The following ADGRD1 variants were observed in gnomAD, a reference collection of about 807,000 sequenced individuals.
ADGRD1 encodes G-protein coupled receptor 133.
Under a neutral mutation model 113.4 loss-of-function variants are expected in ADGRD1, and 77 were observed. That is an observed-to-expected ratio of 0.68 (90% CI 0.57 to 0.82). ADGRD1 has a LOEUF of 0.82. Among genes scored for constraint, ADGRD1 ranks in the 40% least tolerant of loss-of-function variants. ADGRD1 has a pLI of 0.00. For missense variants in ADGRD1, 1,036 were observed against 1,139.1 expected (o/e 0.91, Z 1.30); for synonymous variants, 474 against 475.0 (o/e 1.00, Z 0.03).
Position 131,000,453 on chromosome 12 carries a change from AG to A in ADGRD1, c.1026+12del. On this transcript the variant is annotated intron_variant, in intron 9 of 24. Coordinates refer to ENST00000261654, the MANE Select transcript of ADGRD1 (RefSeq NM_198827.5). Reference sequence around the variant, plus strand: ...ATTGCTCTGTCAGAGGTAAGAGAAAAGAACATGGTCGGTCATGGTGGCTCAT... The same window carrying A: ...ATTGCTCTGTCAGAGGTAAGAGAAAAAACATGGTCGGTCATGGTGGCTCAT... 1 of 1,609,026 alleles carries A rather than the reference AG, an allele frequency of 6.2e-7. No individual in the cohort carries two copies. The highest frequency in any genetic ancestry group is 1.9e-4 in the Middle Eastern group (1 of 5,192).
intron 4 of ADGRD1, among the ~76,000 whole-genome samples, chr12:130,976,214 G>C (rs1291495603): frequency 1.6e-5 from 1 of 62,970 alleles, no homozygotes; most frequent in Non-Finnish European, 5.7e-5. Context: ...GGCCTGGCAG[G>C]GATCTAGCTA....
intron 13 of ADGRD1, chr12:131,070,865 C>A: frequency 1.9e-6 from 1 of 519,058 alleles, no homozygotes; most frequent in South Asian, 1.4e-5. Context: ...CATGGAGTGT[C>A]TGCACGGGAC....
At chr12:131,089,561 C>T (rs1441656320) in intron 15 of ADGRD1, among the ~76,000 whole-genome samples, 1 of 152,170 alleles carries the variant, frequency 6.6e-6, no homozygotes, top group Non-Finnish European at 1.5e-5. Context: ...GTGCTCCCTG[C>T]CAGTGGGTGC....
chr12:130,987,534 T>C (rs12810067), intron 6 of ADGRD1, 185 bp downstream of exon 6: 66,024 of 628,460 alleles, frequency 0.11, 3,922 homozygotes, highest in Middle Eastern at 0.15. Context: ...GAGGAGTTAA[T>C]AATTTACTAG....
intron 15 of ADGRD1, among the ~76,000 whole-genome samples, chr12:131,100,622 G>T (rs963696439): frequency 6.6e-6 from 1 of 152,196 alleles, no homozygotes; most frequent in African/African-American, 2.4e-5. Flanking sequence ...TGGCATGGTT[G>T]GTTGGCGATA....
intron 13 of ADGRD1, among the ~76,000 whole-genome samples, chr12:131,035,663 T>C (rs6486621): frequency 0.56 from 84,529 of 152,108 alleles, 24,176 homozygotes; most frequent in Non-Finnish European, 0.61. Flanking sequence ...TGTCTGGTTG[T>C]CTGTTTGAAA....
chr12:130,987,439 C>G lies in ADGRD1; in HGVS notation c.745+90C>G. On this transcript the variant is annotated intron_variant, in intron 6 of 24. Transcript: ENST00000261654. ...CTCCTTTCTCCCCACTCTCCCGTTG[C>G]AGCTATCAGCACTGCAGGCGTGAGA... 3 of 1,466,288 alleles carry G rather than the reference C, an allele frequency of 2.0e-6. No individual in the cohort carries two copies. In the South Asian group the frequency reaches 3.7e-5, roughly 18 times the overall value. The allele number at this position is 1,466,288 out of a possible 1,614,324, so 90.8% of individuals were successfully genotyped here. A position where few individuals can be genotyped will look rare whatever the true frequency, so the allele number is the denominator to read the frequency against.
Position 131,131,731 on chromosome 12 carries a change from A to T in ADGRD1, c.2182A>T (p.Ile728Phe). ...TCCATGGTTTCTTGTGCAGGTCAAC[A>T]TTGGCATCCTCATCGCTGTGACCAG... ...APALFVIVVN[I>F]GILIAVTRVI... Residue 728 changes from isoleucine to phenylalanine, a missense_variant, in exon 21 of 25, where the codon ATT becomes TTT. Coordinates refer to ENST00000261654, the MANE Select transcript of ADGRD1 (RefSeq NM_198827.5). 6.2e-7 allele frequency: 1 copy of T among 1,608,464 alleles called. No homozygotes were observed. The highest frequency in any genetic ancestry group is 8.5e-7 in the Non-Finnish European group (1 of 1,176,814).
Position 131,014,274 on chromosome 12 carries a change from A to G in ADGRD1, c.1407A>G (p.Pro469=), listed in dbSNP as rs779464264. The change falls in exon 13 of 25, where the codon CCA becomes CCG. Residue 469 remains proline, a synonymous_variant. Coordinates refer to ENST00000261654, the MANE Select transcript of ADGRD1 (RefSeq NM_198827.5). ...ACCTGATTTCCCTGGAGGTGTCCCC[A>G]CCACCCACCCTGTCTCAGAACCTGT... ...TSHLISLEVS[P]PPTLSQNLSG... is the part of the protein sequence containing the mutation. 9 of 1,613,878 alleles carry G rather than the reference A, an allele frequency of 5.6e-6. No homozygotes were observed. The Admixed American group carries it at 1.5e-4, about 27-fold the overall frequency.
chr12:130,986,007 G>T (rs1873618835), intron 5 of ADGRD1, among the ~76,000 whole-genome samples: 1 of 129,900 alleles, frequency 7.7e-6, no homozygotes, highest in Admixed American at 8.6e-5. Flanking sequence ...TGTTTATTCT[G>T]TCCCACAGAT....
intron 15 of ADGRD1, among the ~76,000 whole-genome samples, chr12:131,102,894 C>T (rs1056159418): frequency 6.6e-6 from 1 of 152,324 alleles, no homozygotes; most frequent in African/African-American, 2.4e-5. Flanking sequence ...GAAACAAGAA[C>T]AAGAAACCGC....
chr12:131,111,378 C>T (rs754934811), intron 18 of ADGRD1, among the ~76,000 whole-genome samples: 11 of 152,226 alleles, frequency 7.2e-5, no homozygotes, highest in Non-Finnish European at 1.2e-4. Flanking sequence ...AGGCGTGAGC[C>T]ACCATGCCTG....
At chr12:131,112,410 G>T (rs530312422) in intron 18 of ADGRD1, among the ~76,000 whole-genome samples, 1 of 152,134 alleles carries the variant, frequency 6.6e-6, no homozygotes, top group Non-Finnish European at 1.5e-5. Context: ...AGGCCCCTTC[G>T]TAGGGGTATT....
chr12:131,098,330 G>A (rs1157385338), intron 15 of ADGRD1, among the ~76,000 whole-genome samples: 2 of 152,180 alleles, frequency 1.3e-5, no homozygotes, highest in African/African-American at 4.8e-5. Flanking sequence ...GGCACGGGCT[G>A]GGGCTGGAGC....
At chr12:130,998,911 T>C (rs1165831212) in intron 8 of ADGRD1, among the ~76,000 whole-genome samples, 1 of 152,164 alleles carries the variant, frequency 6.6e-6, no homozygotes, top group African/African-American at 2.4e-5. Flanking sequence ...GTGCTGTGAG[T>C]GTAAGATGCA....
rs1368210580 is a variant in ADGRD1 at position 130,984,404 on chromosome 12, C to G, written c.490+2341C>G. On this transcript the variant is annotated intron_variant, in intron 5 of 24. Coordinates refer to ENST00000261654, the MANE Select transcript of ADGRD1 (RefSeq NM_198827.5). This position sits in a 1 kb window ranked among gnomAD's most constrained non-coding sequence, Gnocchi z 4.1. ...AAGCTCGTTACTGTGCTTACCCGCT[C>G]CCTGGCCTCTGCAGACTGGGTTGGT... is the stretch of plus-strand genomic sequence containing the variant. 6.6e-6 allele frequency among the ~76,000 whole-genome samples: 1 copy of G among 152,178 alleles called. No homozygotes were observed. The highest frequency in any genetic ancestry group is 1.5e-5 in the Non-Finnish European group (1 of 68,038).
chr12:131,076,960 C>T lies in ADGRD1; in HGVS notation c.1547+86C>T, dbSNP rs1018181901. ...TGCCAGCCCAGGGGAGGATCTGGGT[C>T]ACCCATTTCTGCAGCTGACATGGTT... On this transcript the variant is annotated intron_variant, in intron 14 of 24. Coordinates refer to ENST00000261654, the MANE Select transcript of ADGRD1 (RefSeq NM_198827.5). The T allele has an allele frequency of 1.0e-5, 11 of 1,067,082 alleles. No homozygotes were observed. The African/African-American group carries it at 1.2e-4, about 12-fold the overall frequency. The allele number at this position is 1,067,082 out of a possible 1,614,324, so 66.1% of individuals were successfully genotyped here. A position where few individuals can be genotyped will look rare whatever the true frequency, so the allele number is the denominator to read the frequency against.
chr12:130,960,667 AC>A (rs1870241043), intron 2 of ADGRD1, among the ~76,000 whole-genome samples: 2 of 151,768 alleles, frequency 1.3e-5, no homozygotes, highest in African/African-American at 4.8e-5. Context: ...TCTCTCACAC[AC>A]ACACACACAT....
At chr12:131,021,654 CT>C (rs1480885898) in intron 13 of ADGRD1, among the ~76,000 whole-genome samples, 2 of 152,158 alleles carry the variant, frequency 1.3e-5, no homozygotes, top group Non-Finnish European at 2.9e-5. Flanking sequence ...CAGACAGTGT[CT>C]TCTCCCTATG....
Sources: gnomAD v4.1 joint callset for allele counts (sites outside exome capture counted in the v4.1 genomes callset) on GRCh38, gnomAD v4.1.1 for gene constraint, Gnocchi (gnomAD v3.1) non-coding constraint, MANE v1.5 for transcripts, NCBI Gene and HGNC (gene_info 2026-07-23, HGNC 2026-07-21) for gene names.